The following DPAGT1 variants were observed in gnomAD, a reference collection of about 807,000 sequenced individuals.
The protein encoded by DPAGT1 is dolichyl-phosphate N-acetylglucosaminephosphotransferase 1.
Under a neutral mutation model 39.3 loss-of-function variants are expected in DPAGT1, and 25 were observed. The ratio of observed to expected loss-of-function variants is 0.64; its 90% CI spans 0.46 to 0.89. The LOEUF is 0.89. DPAGT1 is among the 40% of genes least tolerant of loss of function. DPAGT1 has a pLI of 0.00. For synonymous variants in DPAGT1, 193 were observed against 201.4 expected (o/e 0.96, Z 0.36); for missense variants, 381 against 500.6 (o/e 0.76, Z 2.28).
In DPAGT1 at chr11:119,097,360, T is replaced by A. The variant is rs1171738337; in HGVS notation, c.1006-63A>T. On this transcript the variant is annotated intron_variant, in intron 7 of 8. Transcript: ENST00000354202. This position sits in a 1 kb window ranked among gnomAD's most constrained non-coding sequence, Gnocchi z 4.6. ...CCTATGCTTTAGGAATGTGGATCTA[T>A]TTAATGCTTTCAAGTTCCCCTTGGA... is the stretch of plus-strand genomic sequence containing the variant. 6.2e-7 allele frequency: 1 copy of A among 1,613,298 alleles called. No homozygotes were observed. The highest frequency in any genetic ancestry group is 1.3e-5 in the African/African-American group (1 of 74,932).
rs777312277 is a variant in DPAGT1 at position 119,098,406 on chromosome 11, T to C, written c.725A>G (p.Asn242Ser). Residue 242 changes from asparagine (N) to serine (S), a missense_variant, in exon 5 of 9, where the codon AAC becomes AGC. By Grantham distance (46) the Asn-to-Ser change is conservative. Transcript: ENST00000354202. ...CCTTATCCACAGGCCTACTTACCAG[T>C]TGTGGTAGAGCAATCCCAAAGTGGT... Reference protein sequence around the residue: ...FFTTLGLLYHNWYPSRVFVGD... With the variant: ...FFTTLGLLYHSWYPSRVFVGD... 2.5e-6 allele frequency: 4 copies of C among 1,613,848 alleles called. No homozygotes were observed. The highest frequency in any genetic ancestry group is 4.5e-5 in the East Asian group (2 of 44,874).
Position 119,098,350 on chromosome 11 carries a change from C to T in DPAGT1, c.728+53G>A, listed in dbSNP as rs74518519. ...ACCACAAGGTGGGTTATGATAAGGGCCATCTTTGCCATGTGTTCAGGTAGT... is the reference window on the plus strand; with the variant it reads ...ACCACAAGGTGGGTTATGATAAGGGTCATCTTTGCCATGTGTTCAGGTAGT... On this transcript the variant is annotated intron_variant, in intron 5 of 8. Coordinates refer to ENST00000354202, the MANE Select transcript of DPAGT1 (RefSeq NM_001382.4). The T allele has an allele frequency of 2.0e-4, 308 of 1,573,162 alleles. 3 individuals are homozygous for T. In the East Asian group the frequency reaches 6.9e-3, roughly 35 times the overall value.
chr11:119,098,219 T>C, intron 5 of DPAGT1, 176 bp from the exon 6 acceptor site: 1 of 1,084,358 alleles, frequency 9.2e-7, no homozygotes. Context: ...TCCTGGGGCC[T>C]CCACGCACTC....
chr11:119,095,232 C>A, downstream of DPAGT1: 1 of 1,613,892 alleles, frequency 6.2e-7, no homozygotes, highest in Non-Finnish European at 8.5e-7. Context: ...TACTCCAGCA[C>A]TGCCGCCAGG....
At chr11:119,100,873 C>A in intron 2 of DPAGT1, 30 bp from the exon 3 acceptor site, 1 of 1,614,038 alleles carries the variant, frequency 6.2e-7, no homozygotes. Context: ...GTCCATGACT[C>A]AAGCCTGCTC....
rs1946416156 is a variant in DPAGT1 at position 119,097,351 on chromosome 11, G to A, written c.1006-54C>T. On this transcript the variant is annotated intron_variant, in intron 7 of 8. Transcript: ENST00000354202. The surrounding 1 kb of genome is among the most constrained non-coding windows in gnomAD (Gnocchi z 4.6). ...CAGCTAATACCTATGCTTTAGGAAT[G>A]TGGATCTATTTAATGCTTTCAAGTT... The A allele has an allele frequency of 1.2e-6, 2 of 1,613,212 alleles. No individual in the cohort carries two copies. Among genetic ancestry groups the A allele is most frequent in the African/African-American group, 1.3e-5 (1 of 74,920 alleles).
downstream of DPAGT1, chr11:119,094,445 G>A (rs1289616914): frequency 1.3e-5 from 2 of 152,464 alleles, no homozygotes; most frequent in Admixed American, 1.3e-4. Flanking sequence ...TGCAGCTGCC[G>A]AGGGCCTCAC....
At position 119,096,597 on chromosome 11, in the gene DPAGT1, C is replaced by T. The variant is rs1393748438; in HGVS notation, c.*401G>A. 9 of 329,294 alleles carry T rather than the reference C, an allele frequency of 2.7e-5. No individual in the cohort carries two copies. Among genetic ancestry groups the T allele is most frequent in the Non-Finnish European group, 5.2e-5 (9 of 174,184 alleles). The allele number at this position is 329,294 out of a possible 1,614,324, so 20.4% of individuals were successfully genotyped here. A position where few individuals can be genotyped will look rare whatever the true frequency, so the allele number is the denominator to read the frequency against. On this transcript the variant is annotated 3_prime_UTR_variant, in exon 9 of 9. Coordinates refer to ENST00000354202, the MANE Select transcript of DPAGT1 (RefSeq NM_001382.4). ...CTAATCAGAACACTTAATTTACAAT[C>T]AAATGACATGTCACCGTGGAGCCTG...
chr11:119,100,405 A>G lies in DPAGT1; in HGVS notation c.500T>C (p.Ile167Thr). 6.2e-7 allele frequency: 1 copy of G among 1,614,238 alleles called. No homozygotes were observed. The highest frequency in any genetic ancestry group is 8.5e-7 in the Non-Finnish European group (1 of 1,180,052). ...CAGCCCCATGTAGACATAGTACAGG[A>G]TTCCTGCGGGGAGAGATGGTAGGAA... ...PILGLHLDLG[I>T]LYYVYMGLLA... Residue 167 changes from isoleucine (I) to threonine (T), a missense_variant, in exon 4 of 9, where the codon ATC becomes ACC. Ile to Thr is a moderately conservative substitution (Grantham distance 89). Transcript: ENST00000354202.
chr11:119,098,557 G>C, intron 4 of DPAGT1, 70 bp from the exon 5 acceptor site: 2 of 1,521,974 alleles, frequency 1.3e-6, no homozygotes, highest in Non-Finnish European at 1.8e-6. Flanking sequence ...TCCTATTTTT[G>C]TCTAAGTTCT....
downstream of DPAGT1, chr11:119,094,855 C>G (rs1390755209): frequency 8.4e-7 from 1 of 1,196,582 alleles, no homozygotes; most frequent in Non-Finnish European, 1.1e-6. Flanking sequence ...CCCGCTTGCC[C>G]CGCAGTCTGA....
intron 4 of DPAGT1, 56 bp downstream of exon 4, chr11:119,100,206 T>G: frequency 3.1e-6 from 5 of 1,612,918 alleles, no homozygotes; most frequent in South Asian, 1.1e-5. Flanking sequence ...AAGTCATATA[T>G]CAGGCCACAC....
In DPAGT1 at chr11:119,101,470, C is replaced by T. The variant is rs1264633449; in HGVS notation, c.161+25G>A. On this transcript the variant is annotated intron_variant, in intron 1 of 8. Coordinates refer to ENST00000354202, the MANE Select transcript of DPAGT1 (RefSeq NM_001382.4). The stretch of plus-strand genomic sequence containing the variant: ...CTCCTTCCTTAGCCCTTGCCCCCTG[C>T]CCGGACCCGTGTGCCGCTGCTCACA... The T allele has an allele frequency of 2.5e-6, 4 of 1,613,942 alleles. No individual in the cohort carries two copies. The South Asian group carries it at 3.3e-5, about 13-fold the overall frequency.
chr11:119,100,581 G>A (rs1306324067), intron 3 of DPAGT1, 49 bp downstream of exon 3: 1 of 1,609,740 alleles, frequency 6.2e-7, no homozygotes, highest in Non-Finnish European at 8.5e-7. Flanking sequence ...CACCAGGAAG[G>A]GTTCCCTGAA....
At position 119,101,626 on chromosome 11, in the gene DPAGT1, C is replaced by T. The variant is rs768025278; in HGVS notation, c.30G>A (p.Pro10=). The stretch of plus-strand genomic sequence containing the variant: ...GCGAGACGATCAAATTGATCAGCAG[C>T]GGCATGGGCAATTCCGAGAAGGCCC... MWAFSELPM[P]LLINLIVSLL... The change falls in exon 1 of 9, where the codon CCG becomes CCA. Residue 10 remains proline (P), a synonymous_variant. Coordinates refer to ENST00000354202, the MANE Select transcript of DPAGT1 (RefSeq NM_001382.4). 38 of 1,614,156 alleles carry T rather than the reference C, an allele frequency of 2.4e-5. No individual in the cohort carries two copies. The South Asian group carries it at 3.6e-4, about 15-fold the overall frequency.
intron 3 of DPAGT1, 25 bp from the exon 4 acceptor site, chr11:119,100,433 G>C: frequency 6.2e-7 from 1 of 1,614,110 alleles, no homozygotes; most frequent in Non-Finnish European, 8.5e-7. Context: ...GGTAGGAAAA[G>C]AAGTAGTGCC....
Position 119,101,800 on chromosome 11 carries a change from G to A in DPAGT1, c.-145C>T, listed in dbSNP as rs1946516402. ...AATCTGAGCAAAACCCAGCAACTCT[G>A]ACTTGAGCCGCCGTCGGGACACCGG... On this transcript the variant is annotated 5_prime_UTR_variant, in exon 1 of 9. Transcript: ENST00000354202. 1 of 1,528,168 alleles carries A rather than the reference G, an allele frequency of 6.5e-7. No individual in the cohort carries two copies. Among genetic ancestry groups the A allele is most frequent in the African/African-American group, 1.4e-5 (1 of 72,508 alleles). The allele number at this position is 1,528,168 out of a possible 1,614,324, so 94.7% of individuals were successfully genotyped here.
downstream of DPAGT1, chr11:119,094,246 CG>C (rs1430007075): frequency 6.6e-6 from 1 of 152,478 alleles, no homozygotes; most frequent in Non-Finnish European, 1.5e-5. Context: ...TGCTTCGTCC[CG>C]GCCCCAGCGC....
downstream of DPAGT1, among the ~76,000 whole-genome samples, chr11:119,096,093 G>A (rs552195488): frequency 1.3e-5 from 2 of 152,160 alleles, no homozygotes; most frequent in East Asian, 3.9e-4. Context: ...AACCTCCCTC[G>A]TAGCTGGTAC....
Sources: gnomAD v4.1 joint callset for allele counts (sites outside exome capture counted in the v4.1 genomes callset) on GRCh38, gnomAD v4.1.1 for gene constraint, Gnocchi (gnomAD v3.1) non-coding constraint, MANE v1.5 for transcripts, NCBI Gene and HGNC (gene_info 2026-07-23, HGNC 2026-07-21) for gene names.